Variants in SMG8 observed in about 807,000 individuals in gnomAD.
The protein encoded by SMG8 is SMG8 nonsense mediated mRNA decay factor.
A neutral mutation model predicts 82.1 loss-of-function variants in SMG8; 49 were observed. That is an observed-to-expected ratio of 0.60 (90% CI 0.47 to 0.76). The LOEUF is 0.76. SMG8 is among the 30% of genes least tolerant of loss of function. SMG8 has a pLI of 0.00. For missense variants in SMG8, 969 were observed against 1,166.4 expected, an observed-to-expected ratio of 0.83 and a Z score of 2.46; for synonymous variants, 404 against 430.0, an observed-to-expected ratio of 0.94 and a Z score of 0.75.
chr17:59,212,494 CTG>C lies in SMG8; in HGVS notation c.1905+9_1905+10del. On this transcript the variant is annotated intron_variant, in intron 2 of 3. Transcript: ENST00000300917. ...AATTATGACTTCTATCAGGTAGACT[CTG>C]AATTTTTTCTTCTTCCTCTTCTGTC... The C allele has an allele frequency of 6.3e-7, 1 of 1,587,756 alleles. No individual in the cohort carries two copies. Among genetic ancestry groups the C allele is most frequent in the Non-Finnish European group, 8.6e-7 (1 of 1,162,774 alleles).
At chr17:59,212,634 C>G (rs1271925480) in intron 2 of SMG8, 95 bp from the exon 3 acceptor site, 1 of 1,455,590 alleles carries the variant, frequency 6.9e-7, no homozygotes, top group Non-Finnish European at 9.2e-7. Context: ...TTTATGTGTA[C>G]ATATTTACTT....
At chr17:59,212,705 G>A in intron 2 of SMG8, 24 bp from the exon 3 acceptor site, 1 of 1,558,996 alleles carries the variant, frequency 6.4e-7, no homozygotes, top group East Asian at 2.2e-5. Context: ...AAACTTACTG[G>A]ATTTTTTTTC....
At position 59,212,847 on chromosome 17, in the gene SMG8, A is replaced by G; in HGVS notation, c.2024A>G (p.Asp675Gly). 6.2e-7 allele frequency: 1 copy of G among 1,614,104 alleles called. No individual in the cohort carries two copies. Among genetic ancestry groups the G allele is most frequent in the Non-Finnish European group, 8.5e-7 (1 of 1,180,026 alleles). Residue 675 changes from aspartate (D) to glycine (G), a missense_variant, in exon 3 of 4, where the codon GAT becomes GGT. Transcript: ENST00000300917. ...TCCTCTCCTGCTCCTCCAGATTCGG[A>G]TGCTGATAAACTTAAAGAAAAAGAA... is the stretch of plus-strand genomic sequence containing the variant. ...NESSPAPPDSDADKLKEKEPQ... is the reference protein window; with the variant it reads ...NESSPAPPDSGADKLKEKEPQ...
rs749049490 is a variant in SMG8 at position 59,212,968 on chromosome 17, A to C, written c.2145A>C (p.Ala715=). ...SLGTYPADPQ[A]GGDNPEVHGQ... ...GTACCTATCCAGCTGATCCACAAGC[A>C]GGAGGAGATAATCCAGAAGTTCATG... Residue 715 remains alanine (A), a synonymous_variant, in exon 3 of 4, where the codon GCA becomes GCC. Transcript: ENST00000300917. The C allele has an allele frequency of 1.2e-6, 2 of 1,614,200 alleles. No individual in the cohort carries two copies. The highest frequency in any genetic ancestry group is 3.3e-5 in the Admixed American group (2 of 60,004).
chr17:59,210,776 A>G lies in SMG8; in HGVS notation c.725A>G (p.Lys242Arg). The G allele has an allele frequency of 6.2e-7, 1 of 1,614,166 alleles. No individual in the cohort carries two copies. Among genetic ancestry groups the G allele is most frequent in the Non-Finnish European group, 8.5e-7 (1 of 1,180,032 alleles). Residue 242 changes from lysine to arginine, a missense_variant, in exon 1 of 4, where the codon AAA (lysine) becomes AGA (arginine). Transcript: ENST00000300917. Reference sequence around the variant, plus strand: ...AGACAGAAGGTCCTGCCGCTCCTTAAAACAGCCATTAAGGATTGTCCAGTT... The same window carrying G: ...AGACAGAAGGTCCTGCCGCTCCTTAGAACAGCCATTAAGGATTGTCCAGTT... Reference protein sequence around the residue: ...GLRQKVLPLLKTAIKDCPVGK... With the variant: ...GLRQKVLPLLRTAIKDCPVGK...
intron 1 of SMG8, 118 bp from the exon 2 acceptor site, chr17:59,212,223 C>G (rs769113066): frequency 7.0e-6 from 5 of 719,088 alleles, no homozygotes; most frequent in Non-Finnish European, 6.4e-6. Context: ...CTTTCACTTG[C>G]TTCTTCTGTT....
rs2046951200 is a variant in SMG8, at chr17:59,212,800, T to C, written c.1977T>C (p.Asp659=). The change falls in exon 3 of 4, where the codon GAT becomes GAC. Residue 659 remains aspartate (D), a synonymous_variant. Transcript: ENST00000300917. ...NFPVFEPSTP[D]PAPAKNESSP... ...CAGTATTTGAACCAAGTACTCCAGA[T>C]CCTGCTCCTGCTAAAAATGAATCCT... is the stretch of plus-strand genomic sequence containing the variant. 1 of 1,614,074 alleles carries C rather than the reference T, an allele frequency of 6.2e-7. No homozygotes were observed. Among genetic ancestry groups the C allele is most frequent in the Non-Finnish European group, 8.5e-7 (1 of 1,180,012 alleles).
In SMG8 at chr17:59,211,056, C is replaced by T. The variant is rs1480869592; in HGVS notation, c.1005C>T (p.Phe335=). 5 of 1,614,220 alleles carry T rather than the reference C, an allele frequency of 3.1e-6. No homozygotes were observed. Among genetic ancestry groups the T allele is most frequent in the Middle Eastern group, 1.6e-4 (1 of 6,062 alleles). ...TTACTGTGCCTGCCAACCAAGCTTT[C>T]GTGTACATAGTACCGGGAAGCCAGG... ...CLFTVPANQA[F]VYIVPGSQEE... Residue 335 remains phenylalanine (F), a synonymous_variant, in exon 1 of 4, where the codon TTC becomes TTT. Transcript: ENST00000300917.
At chr17:59,214,371 G>A (rs1317899519) in intron 3 of SMG8, among the ~76,000 whole-genome samples, 1 of 152,042 alleles carries the variant, frequency 6.6e-6, no homozygotes, top group Non-Finnish European at 1.5e-5. Context: ...AGAGTTAGGA[G>A]TGTACCCATA....
At position 59,211,866 on chromosome 17, in the gene SMG8, C is replaced by T. The variant is rs561001818; in HGVS notation, c.1759+56C>T. 6.6e-5 allele frequency: 95 copies of T among 1,430,324 alleles called. 1 individual carries two copies. In the South Asian group the frequency reaches 1.3e-3, roughly 19 times the overall value. 88.6% of individuals were successfully genotyped at this position (1,430,324 alleles called of 1,614,324 possible). A position where few individuals can be genotyped will look rare whatever the true frequency, so the allele number is the denominator to read the frequency against. ...AAAAACTTTGAGCTGTGTTTTCATT[C>T]TTGTTTTAAGATAGTCTGTTCACTA... On this transcript the variant is annotated intron_variant, in intron 1 of 3. Coordinates refer to ENST00000300917, the MANE Select transcript of SMG8 (RefSeq NM_018149.7).
rs769057389 is a variant in SMG8, at chr17:59,212,349, C to T, written c.1768C>T (p.Pro590Ser). ...FHSLPKSGEK[P>S]EADRNPPVLY... ...GCTGTTATATTTTCCAGGAGAAAAA[C>T]CAGAGGCTGATAGAAATCCGCCTGT... Residue 590 changes from proline to serine, a missense_variant, in exon 2 of 4, where the codon CCA (proline) becomes TCA (serine). This residue lies in a region of SMG8 where 662 missense variants were observed against 884.8 expected (regional missense o/e 0.75). Transcript: ENST00000300917. 5 of 1,561,232 alleles carry T rather than the reference C, an allele frequency of 3.2e-6. No homozygotes were observed. In the East Asian group the frequency reaches 6.8e-5, roughly 21 times the overall value.
rs766675320 is a variant in SMG8 at position 59,210,066 on chromosome 17, G to A, written c.15G>A (p.Val5=). The change falls in exon 1 of 4, where the codon GTG becomes GTA. Residue 5 remains valine, a synonymous_variant. Transcript: ENST00000300917. MAGP[V]SLRDLLMGAS... ...CGCTCTGCACTATGGCTGGTCCCGT[G>A]AGCTTGCGAGACCTTCTAATGGGAG... 1 of 1,564,128 alleles carries A rather than the reference G, an allele frequency of 6.4e-7. No individual in the cohort carries two copies. Among genetic ancestry groups the A allele is most frequent in the Non-Finnish European group, 8.6e-7 (1 of 1,159,988 alleles).
Position 59,211,435 on chromosome 17 carries a change from G to A in SMG8, c.1384G>A (p.Gly462Arg), listed in dbSNP as rs1490649712. 3 of 1,614,158 alleles carry A rather than the reference G, an allele frequency of 1.9e-6. No individual in the cohort carries two copies. The highest frequency in any genetic ancestry group is 1.7e-6 in the Non-Finnish European group (2 of 1,180,016). Reference protein sequence around the residue: ...ASKLYEVAIDGKEEDLGSPTG... With the variant: ...ASKLYEVAIDRKEEDLGSPTG... The stretch of plus-strand genomic sequence containing the variant: ...AAAACTGTATGAGGTGGCTATTGAT[G>A]GGAAAGAAGAGGACTTGGGGTCACC... The change falls in exon 1 of 4, where the codon GGG becomes AGG. Residue 462 changes from glycine to arginine, a missense_variant. Gly to Arg is a moderately radical substitution (Grantham distance 125). Transcript: ENST00000300917.
intron 1 of SMG8, 46 bp downstream of exon 1, chr17:59,211,856 T>C (rs778026142): frequency 1.4e-6 from 2 of 1,459,244 alleles, no homozygotes; most frequent in Admixed American, 4.8e-5. Context: ...CTTTGAGCTG[T>C]GTTTTCATTC....
In SMG8 at chr17:59,213,480, A is replaced by G; in HGVS notation, c.2657A>G (p.Asp886Gly). Residue 886 changes from aspartate (D) to glycine (G), a missense_variant, in exon 3 of 4, where the codon GAC becomes GGC. Asp to Gly is a moderately conservative substitution (Grantham distance 94, BLOSUM62 -1). Transcript: ENST00000300917. ...KESALKALNS[D>G]MPLYILSSSQ... ...TCAGCTTTAAAAGCCCTAAATAGTG[A>G]CATGCCCTTATATATTCTGTCATCC... 6.2e-7 allele frequency: 1 copy of G among 1,614,202 alleles called. No individual in the cohort carries two copies. Among genetic ancestry groups the G allele is most frequent in the Non-Finnish European group, 8.5e-7 (1 of 1,180,044 alleles).
In SMG8 at chr17:59,212,355, G is replaced by T; in HGVS notation, c.1774G>T (p.Ala592Ser). The change falls in exon 2 of 4, where the codon GCT becomes TCT. Residue 592 changes from alanine to serine, a missense_variant. By Grantham distance (99) the Ala-to-Ser change is moderately conservative. Transcript: ENST00000300917. ...SLPKSGEKPE[A>S]DRNPPVLYHN... ...ATATTTTCCAGGAGAAAAACCAGAG[G>T]CTGATAGAAATCCGCCTGTGCTATA... 1.3e-6 allele frequency: 2 copies of T among 1,567,638 alleles called. No individual in the cohort carries two copies. Among genetic ancestry groups the T allele is most frequent in the South Asian group, 1.2e-5 (1 of 85,206 alleles).
chr17:59,211,409 CA>C lies in SMG8; in HGVS notation c.1362del (p.Lys454AsnfsTer21). On this transcript the variant is annotated frameshift_variant, in exon 1 of 4. Transcript: ENST00000300917. LOFTEE classifies it high-confidence loss of function. ...PTYQKWISAA[S>X]KLYEVAIDGK... ...TATCAGAAGTGGATCTCAGCAGCTT[CA>C]AAACTGTATGAGGTGGCTATTGATG... 6.2e-7 allele frequency: 1 copy of C among 1,614,176 alleles called. No homozygotes were observed. The highest frequency in any genetic ancestry group is 8.5e-7 in the Non-Finnish European group (1 of 1,180,040).
At position 59,211,129 on chromosome 17, in the gene SMG8, A is replaced by G. The variant is rs774085637; in HGVS notation, c.1078A>G (p.Thr360Ala). 1.2e-5 allele frequency: 20 copies of G among 1,614,034 alleles called. No individual in the cohort carries two copies. Among genetic ancestry groups the G allele is most frequent in the African/African-American group, 2.7e-5 (2 of 74,916 alleles). ...MLLDQLRSHCTVKDPESLLVP... is the reference protein window; with the variant it reads ...MLLDQLRSHCAVKDPESLLVP... The stretch of plus-strand genomic sequence containing the variant: ...GCTGGACCAACTTAGGAGTCATTGT[A>G]CTGTGAAGGACCCGGAATCTTTGCT... The change falls in exon 1 of 4, where the codon ACT becomes GCT. Residue 360 changes from threonine (T) to alanine (A), a missense_variant. Physicochemically the swap from Thr to Ala is moderately conservative, Grantham distance 58 (BLOSUM62 0). Around this residue, in one of 3 missense-constraint regions of SMG8, gnomAD observed 662 missense variants for 884.8 expected, o/e 0.75. Coordinates refer to ENST00000300917, the MANE Select transcript of SMG8 (RefSeq NM_018149.7).
In SMG8 at chr17:59,210,729, A is replaced by G. The variant is rs778144492; in HGVS notation, c.678A>G (p.Val226=). 6.2e-7 allele frequency: 1 copy of G among 1,614,082 alleles called. No homozygotes were observed. Among genetic ancestry groups the G allele is most frequent in the East Asian group, 2.2e-5 (1 of 44,872 alleles). ...CCTTTGATATCACTTATGATCGAGT[A>G]TTCAGAGCCCTGGATGGGCTGAGAC... ...TCSFDITYDR[V]FRALDGLRQK... is the part of the protein sequence containing the mutation. Residue 226 remains valine, a synonymous_variant, in exon 1 of 4, where the codon GTA becomes GTG. Coordinates refer to ENST00000300917, the MANE Select transcript of SMG8 (RefSeq NM_018149.7).
Sources: gnomAD v4.1 joint callset for allele counts (sites outside exome capture counted in the v4.1 genomes callset) on GRCh38, gnomAD v4.1.1 for gene constraint, gnomAD v4.1.1 regional missense constraint, MANE v1.5 for transcripts, NCBI Gene and HGNC (gene_info 2026-07-23, HGNC 2026-07-21) for gene names.